The following VPS53 variants were observed in gnomAD, a reference collection of about 807,000 sequenced individuals.
VPS53 encodes vacuolar protein sorting-associated protein 53 homolog.
Under a neutral mutation model 107.0 loss-of-function variants are expected in VPS53, and 70 were observed. The ratio of observed to expected loss-of-function variants is 0.65; its 90% CI spans 0.54 to 0.80. VPS53 has a LOEUF of 0.80. VPS53 is among the 30% of genes least tolerant of loss of function. The pLI, the probability that VPS53 is intolerant of heterozygous loss-of-function variation, is 0.00. For synonymous variants in VPS53, 409 were observed against 393.3 expected, an observed-to-expected ratio of 1.04 and a Z score of -0.47; for missense variants, 917 against 1,049.4, an observed-to-expected ratio of 0.87 and a Z score of 1.74.
intron 13 of VPS53, among the ~76,000 whole-genome samples, chr17:578,172 C>A (rs112085037): frequency 1.3e-5 from 2 of 151,956 alleles, no homozygotes; most frequent in Non-Finnish European, 2.9e-5. Flanking sequence ...GAACCTAATG[C>A]GTTCCCAAAG....
intron 11 of VPS53, among the ~76,000 whole-genome samples, chr17:622,726 TTTC>T (rs200406880): frequency 1.7e-4 from 24 of 139,886 alleles, no homozygotes; most frequent in Admixed American, 3.1e-4. Context: ...TTCTCTTTCT[TTTC>T]TTTTTTTTTA....
At position 517,626 on chromosome 17, in the gene VPS53, T is replaced by G; in HGVS notation, c.*1502A>C. The G allele has an allele frequency of 2.6e-6, 1 of 381,916 alleles. No homozygotes were observed. The highest frequency in any genetic ancestry group is 4.5e-5 in the Admixed American group (1 of 22,252). The allele number at this position is 381,916 out of a possible 1,614,324, so 23.7% of individuals were successfully genotyped here. On this transcript the variant is annotated 3_prime_UTR_variant, in exon 22 of 22. Coordinates refer to ENST00000437048, the MANE Select transcript of VPS53 (RefSeq NM_001128159.3). Reference sequence around the variant, plus strand: ...CCTCCACCTCCCGGGTTTAAGTGATTCTCCTGCCTCAGCCTCCCCAGTAGC... The same window carrying G: ...CCTCCACCTCCCGGGTTTAAGTGATGCTCCTGCCTCAGCCTCCCCAGTAGC...
intron 6 of VPS53, among the ~76,000 whole-genome samples, chr17:654,664 G>C (rs1567712135): frequency 1.3e-5 from 2 of 148,596 alleles, no homozygotes; most frequent in Non-Finnish European, 3.0e-5. Context: ...GGGAACCCGG[G>C]AGGCGGAGCT....
intron 17 of VPS53, among the ~76,000 whole-genome samples, chr17:547,543 G>A (rs1472892616): frequency 6.6e-6 from 1 of 152,188 alleles, no homozygotes; most frequent in African/African-American, 2.4e-5. Flanking sequence ...GAGAGGTACG[G>A]GGTTTCTTTT....
intron 13 of VPS53, among the ~76,000 whole-genome samples, chr17:573,786 C>T (rs1914381256): frequency 1.3e-5 from 2 of 152,202 alleles, no homozygotes; most frequent in African/African-American, 4.8e-5. Flanking sequence ...GGCCCACGCT[C>T]TTTCCACCAC....
chr17:596,083 C>T (rs891062075), intron 12 of VPS53, among the ~76,000 whole-genome samples: 21 of 152,340 alleles, frequency 1.4e-4, no homozygotes, highest in African/African-American at 4.6e-4. Flanking sequence ...CACTGTACCT[C>T]GCTGTACTAG....
At chr17:659,022 C>CT (rs1971334296) in intron 5 of VPS53, among the ~76,000 whole-genome samples, 1 of 149,174 alleles carries the variant, frequency 6.7e-6, no homozygotes, top group Non-Finnish European at 1.5e-5. Context: ...CAAACAATCT[C>CT]TGTTTCCAAT....
In VPS53 at chr17:511,943, C is replaced by T. The variant is rs1003169444; in HGVS notation, c.*7185G>A. On this transcript the variant is annotated 3_prime_UTR_variant, in exon 22 of 22. Transcript: ENST00000437048. ...AGGAGACATGCCCTATTTTCCACAA[C>T]AGGCAGCCTCGCCACCAGCCCCAGG... is the stretch of plus-strand genomic sequence containing the variant. 2 of 152,252 alleles carry T rather than the reference C, an allele frequency of 1.3e-5. No individual in the cohort carries two copies. The highest frequency in any genetic ancestry group is 4.8e-5 in the African/African-American group (2 of 41,460). The allele number at this position is 152,252 out of a possible 1,614,324, so 9.4% of individuals were successfully genotyped here.
intron 7 of VPS53, among the ~76,000 whole-genome samples, chr17:641,895 T>C (rs986009899): frequency 6.6e-6 from 1 of 152,190 alleles, no homozygotes; most frequent in East Asian, 1.9e-4. Flanking sequence ...AACAAAAGAT[T>C]CATTGTGCTG....
chr17:709,331 G>C (rs1199989947), intron 2 of VPS53, among the ~76,000 whole-genome samples: 2 of 152,134 alleles, frequency 1.3e-5, no homozygotes, highest in Non-Finnish European at 2.9e-5. Flanking sequence ...GACTCCATAA[G>C]ACCAAGACCA....
chr17:700,829 G>C (rs979531659), intron 2 of VPS53, among the ~76,000 whole-genome samples: 7 of 152,258 alleles, frequency 4.6e-5, no homozygotes, highest in Admixed American at 3.3e-4. Flanking sequence ...TAGGGATATT[G>C]TAGGAAATAT....
intron 12 of VPS53, among the ~76,000 whole-genome samples, chr17:593,804 ACTGGGTATAT>A: frequency 6.6e-6 from 1 of 152,196 alleles, no homozygotes; most frequent in Non-Finnish European, 1.5e-5. Flanking sequence ...CAATCCCATT[ACTGGGTATAT>A]ACCCAAAGGA....
At chr17:664,338 A>C (rs1047517405) in intron 4 of VPS53, among the ~76,000 whole-genome samples, 1 of 152,148 alleles carries the variant, frequency 6.6e-6, no homozygotes, top group African/African-American at 2.4e-5. Flanking sequence ...TCGGCCTCCC[A>C]AAGTGCTGGG....
chr17:714,517 G>C (rs1973774245), intron 1 of VPS53, 106 bp downstream of exon 1: 2 of 1,105,470 alleles, frequency 1.8e-6, no homozygotes, highest in Non-Finnish European at 2.6e-6. Context: ...CCCTTCTGCC[G>C]CGAGCCCCCG....
At chr17:666,403 C>T (rs924284699) in intron 4 of VPS53, among the ~76,000 whole-genome samples, 4 of 152,212 alleles carry the variant, frequency 2.6e-5, no homozygotes, top group Non-Finnish European at 4.4e-5. Context: ...GTGGCTCAGG[C>T]CTATAATCCC....
intron 12 of VPS53, among the ~76,000 whole-genome samples, chr17:594,053 G>A (rs532488741): frequency 1.1e-4 from 17 of 152,072 alleles, no homozygotes; most frequent in Admixed American, 4.6e-4. Context: ...GTAAACTATC[G>A]CAAGAACAAA....
chr17:564,206 C>T (rs942196456), intron 13 of VPS53, among the ~76,000 whole-genome samples: 1 of 151,848 alleles, frequency 6.6e-6, no homozygotes, highest in Non-Finnish European at 1.5e-5. Context: ...ACCAGCCTGG[C>T]CAACATGGCA....
chr17:637,384 A>G (rs1475074231), intron 7 of VPS53, among the ~76,000 whole-genome samples: 4 of 151,874 alleles, frequency 2.6e-5, no homozygotes, highest in Non-Finnish European at 5.9e-5. Flanking sequence ...GGATTCATTG[A>G]TTTTTTTGAA....
intron 15 of VPS53, among the ~76,000 whole-genome samples, chr17:558,341 C>G (rs1216992965): frequency 6.6e-6 from 1 of 152,022 alleles, no homozygotes; most frequent in Non-Finnish European, 1.5e-5. Flanking sequence ...GTAGCGGGTG[C>G]CTGTAGTCCC....
Sources: allele counts gnomAD v4.1 joint callset (sites outside exome capture counted in the v4.1 genomes callset), GRCh38; gene constraint gnomAD v4.1.1; transcripts MANE v1.5; gene names NCBI Gene and HGNC (gene_info 2026-07-23, HGNC 2026-07-21).